Variants in PHKA1 observed in about 807,000 individuals in gnomAD.
PHKA1 encodes phosphorylase b kinase regulatory subunit alpha, skeletal muscle isoform.
In PHKA1, 60 loss-of-function variants were observed where a neutral mutation model predicts 110.2. The observed-to-expected ratio is 0.54, with a 90% CI of 0.44 to 0.68. The LOEUF is 0.68. Ranked by LOEUF, PHKA1 falls within the 30% of genes least tolerant of loss-of-function variation. The pLI, the probability that PHKA1 is intolerant of heterozygous loss-of-function variation, is 0.00. For synonymous variants in PHKA1, 316 were observed against 333.6 expected (o/e 0.95, Z 0.58); for missense variants, 801 against 942.5 (o/e 0.85, Z 1.97).
intron 28 of PHKA1, among the ~76,000 whole-genome samples, chrX:72,600,683 T>C (rs17312164): frequency 0.071 from 7,915 of 110,764 alleles, 843 homozygotes; most frequent in East Asian, 0.67. Context: ...TCTTCCTAAA[T>C]GGTTTCTAAT....
chrX:72,606,751 A>G (rs1556252024), intron 23 of PHKA1, among the ~76,000 whole-genome samples: 1 of 110,926 alleles, frequency 9.0e-6, no homozygotes, highest in African/African-American at 3.3e-5. Flanking sequence ...TTTAAAACGC[A>G]CAATTAAATT....
At chrX:72,631,897 A>T (rs1302050760) in intron 16 of PHKA1, among the ~76,000 whole-genome samples, 1 of 112,259 alleles carries the variant, frequency 8.9e-6, no homozygotes, top group Non-Finnish European at 1.9e-5. Flanking sequence ...GAAATTTTCT[A>T]AATATGATTT....
At chrX:72,674,340 T>A (rs2053748887) in intron 6 of PHKA1, among the ~76,000 whole-genome samples, 1 of 110,078 alleles carries the variant, frequency 9.1e-6, no homozygotes, top group Admixed American at 9.7e-5. Context: ...GATGGCTGGG[T>A]CAAATGGTAT....
intron 8 of PHKA1, among the ~76,000 whole-genome samples, chrX:72,661,066 C>A (rs1395380684): frequency 1.8e-5 from 2 of 111,842 alleles, no homozygotes; most frequent in African/African-American, 6.5e-5. Flanking sequence ...AGAACAAAAC[C>A]AATAGTATTT....
intron 2 of PHKA1, among the ~76,000 whole-genome samples, chrX:72,707,479 T>C (rs1435538176): frequency 9.0e-6 from 1 of 111,570 alleles, no homozygotes; most frequent in Non-Finnish European, 1.9e-5. Context: ...CTTGCTTATA[T>C]ATCTGTCTCC....
intron 28 of PHKA1, among the ~76,000 whole-genome samples, chrX:72,597,899 A>G (rs2052611538): frequency 9.0e-6 from 1 of 111,563 alleles, no homozygotes; most frequent in Admixed American, 9.6e-5. Flanking sequence ...CTAACTCTAT[A>G]AAACCCTTAG....
chrX:72,640,434 C>T (rs1309066087), intron 14 of PHKA1, among the ~76,000 whole-genome samples: 1 of 111,805 alleles, frequency 8.9e-6, no homozygotes, highest in Non-Finnish European at 1.9e-5. Flanking sequence ...TACGTTAATA[C>T]AGCTATCAAA....
At chrX:72,597,257 G>A (rs782184530) in intron 28 of PHKA1, among the ~76,000 whole-genome samples, 268 of 112,271 alleles carry the variant, frequency 2.4e-3, no homozygotes, top group African/African-American at 8.5e-3. Context: ...AATAACAGTG[G>A]CTTACCATGC....
intron 2 of PHKA1, chrX:72,709,373 T>C (rs974650864): frequency 9.3e-5 from 10 of 107,642 alleles, no homozygotes; most frequent in African/African-American, 3.0e-4. Context: ...ATGTGCATAA[T>C]TCTACTCTCA....
intron 3 of PHKA1, among the ~76,000 whole-genome samples, chrX:72,701,507 T>A (rs782151394): frequency 6.2e-4 from 69 of 111,490 alleles, no homozygotes; most frequent in Admixed American, 3.4e-3. Flanking sequence ...GATCATGAGG[T>A]CAGGAGTTCG....
intron 16 of PHKA1, among the ~76,000 whole-genome samples, chrX:72,632,555 G>A (rs1008125695): frequency 1.8e-5 from 2 of 110,233 alleles, no homozygotes; most frequent in Non-Finnish European, 3.8e-5. Context: ...TTTATTTTAG[G>A]GATATCTATT....
intron 23 of PHKA1, among the ~76,000 whole-genome samples, chrX:72,609,053 T>C (rs2052769971): frequency 8.9e-6 from 1 of 112,175 alleles, no homozygotes; most frequent in African/African-American, 3.2e-5. Context: ...GGAAGACTCA[T>C]GTATAAAGAC....
At chrX:72,603,093 A>G (rs1556245695) in intron 26 of PHKA1, 26 bp downstream of exon 26, 2 of 998,985 alleles carry the variant, frequency 2.0e-6, no homozygotes, top group Admixed American at 4.4e-5. Context: ...ACAGTATGAA[A>G]TGAAAATGCA....
At chrX:72,609,090 T>C (rs782491915) in intron 23 of PHKA1, among the ~76,000 whole-genome samples, 1 of 112,398 alleles carries the variant, frequency 8.9e-6, no homozygotes, top group East Asian at 2.8e-4. Flanking sequence ...GCCCCATCAC[T>C]TGACTTACAT....
chrX:72,641,372 A>T (rs2053293967), intron 14 of PHKA1, among the ~76,000 whole-genome samples: 2 of 111,732 alleles, frequency 1.8e-5, no homozygotes, highest in African/African-American at 6.5e-5. Context: ...GCTAATAATC[A>T]GGAAACAATT....
intron 21 of PHKA1, among the ~76,000 whole-genome samples, chrX:72,618,226 A>C (rs1354906377): frequency 8.9e-6 from 1 of 111,762 alleles, no homozygotes; most frequent in Non-Finnish European, 1.9e-5. Context: ...TTTTTGTGTA[A>C]GCTTGTGGGG....
At position 72,653,538 on chromosome X, in the gene PHKA1, T is replaced by C. The variant is rs960472619; in HGVS notation, c.1042-8A>G. 1 of 1,149,088 alleles carries C rather than the reference T, an allele frequency of 8.7e-7. No homozygotes were observed. The highest frequency in any genetic ancestry group is 1.2e-6 in the Non-Finnish European group (1 of 841,009). 94.7% of individuals were successfully genotyped at this position (1,149,088 alleles called of 1,213,427 possible). A position where few individuals can be genotyped will look rare whatever the true frequency, so the allele number is the denominator to read the frequency against. ...CTCTTTATATTCTTGAACCTGCAGA[T>C]AAAAGAAAGGCAGGAAAAAAAGACT... is the stretch of plus-strand genomic sequence containing the variant. On this transcript the variant is annotated splice_region_variant and splice_polypyrimidine_tract_variant and intron_variant, in intron 10 of 31. Transcript: ENST00000373542.
Position 72,652,532 on chromosome X carries a change from G to C in PHKA1, c.1245+12C>G, listed in dbSNP as rs1603264050. ...CAGAAAAAAGTGGGACAGCCTTGAA[G>C]ATTCCTCTTACCTCTGCCATCAAGC... On this transcript the variant is annotated intron_variant, in intron 12 of 31. Coordinates refer to ENST00000373542, the MANE Select transcript of PHKA1 (RefSeq NM_002637.4). 1 of 1,013,723 alleles carries C rather than the reference G, an allele frequency of 9.9e-7. No homozygotes were observed. Among genetic ancestry groups the C allele is most frequent in the East Asian group, 3.0e-5 (1 of 32,913 alleles). 83.5% of individuals were successfully genotyped at this position (1,013,723 alleles called of 1,213,427 possible).
chrX:72,593,467 G>A lies in PHKA1; in HGVS notation c.3073-193C>T, dbSNP rs782330763. 15 of 388,899 alleles carry A rather than the reference G, an allele frequency of 3.9e-5. No homozygotes were observed. The South Asian group carries it at 3.9e-4, about 10-fold the overall frequency. The allele number at this position is 388,899 out of a possible 1,213,427, so 32.0% of individuals were successfully genotyped here. On this transcript the variant is annotated intron_variant, in intron 28 of 31. Coordinates refer to ENST00000373542, the MANE Select transcript of PHKA1 (RefSeq NM_002637.4). The stretch of plus-strand genomic sequence containing the variant: ...TGCCATTCTCCTGCCTCAGCCTCCC[G>A]AGTAGCTAGGACTACAGGCGCCTGC...
Sources: gnomAD v4.1 joint callset for allele counts (sites outside exome capture counted in the v4.1 genomes callset) on GRCh38, gnomAD v4.1.1 for gene constraint, MANE v1.5 for transcripts, NCBI Gene and HGNC (gene_info 2026-07-23, HGNC 2026-07-21) for gene names.